Variants in FHIT observed in about 807,000 individuals in gnomAD.
FHIT encodes fragile histidine triad diadenosine triphosphatase.
Under a neutral mutation model 17.9 loss-of-function variants are expected in FHIT, and 19 were observed. The observed-to-expected ratio is 1.06, with a 90% CI of 0.74 to 1.56. The LOEUF (loss-of-function observed/expected upper bound fraction) is 1.56, where lower values mean the gene tolerates loss of function less well. FHIT is among the 40% of genes most tolerant of loss of function. The pLI is 0.00. For synonymous variants in FHIT, 81 were observed against 69.7 expected, an observed-to-expected ratio of 1.16 and a Z score of -0.81; for missense variants, 248 against 189.2, an observed-to-expected ratio of 1.31 and a Z score of -1.82.
At chr3:60,294,252 T>C (rs1708109067) in intron 5 of FHIT, among the ~76,000 whole-genome samples, 1 of 152,102 alleles carries the variant, frequency 6.6e-6, no homozygotes, top group Non-Finnish European at 1.5e-5. Flanking sequence ...ATAAATAACA[T>C]AACAGATTCA....
intron 5 of FHIT, among the ~76,000 whole-genome samples, chr3:60,184,645 ACT>A (rs1045757065): frequency 3.9e-5 from 6 of 151,978 alleles, no homozygotes; most frequent in African/African-American, 1.5e-4. Context: ...TTCTGAAGTT[ACT>A]CTTTTTTCCT....
At chr3:60,341,278 T>C (rs1710504939) in intron 5 of FHIT, among the ~76,000 whole-genome samples, 1 of 152,228 alleles carries the variant, frequency 6.6e-6, no homozygotes, top group African/African-American at 2.4e-5. Flanking sequence ...GCATGTATTA[T>C]TTTGTAATAA....
chr3:61,242,744 C>T (rs964600447), intron 1 of FHIT, among the ~76,000 whole-genome samples: 4 of 152,024 alleles, frequency 2.6e-5, no homozygotes, highest in Non-Finnish European at 4.4e-5. Context: ...GCTGATCGGT[C>T]GAATTGGAGA....
intron 3 of FHIT, among the ~76,000 whole-genome samples, chr3:60,954,378 T>C (rs1197424449): frequency 6.6e-6 from 1 of 152,194 alleles, no homozygotes; most frequent in African/African-American, 2.4e-5. Context: ...CATTCATAAA[T>C]GACGAACAAG....
intron 5 of FHIT, among the ~76,000 whole-genome samples, chr3:60,361,990 C>G (rs115996770): frequency 2.6e-3 from 399 of 152,240 alleles, no homozygotes; most frequent in Non-Finnish European, 4.7e-3. Context: ...TGTGCAGCAT[C>G]ACATCGTCAC....
intron 8 of FHIT, among the ~76,000 whole-genome samples, chr3:59,846,182 C>A (rs2106770650): frequency 6.6e-6 from 1 of 151,950 alleles, no homozygotes; most frequent in East Asian, 1.9e-4. Context: ...TCCTGTATTC[C>A]TGTCTTCTTT....
chr3:60,262,043 T>C (rs1319376924), intron 5 of FHIT, among the ~76,000 whole-genome samples: 1 of 152,018 alleles, frequency 6.6e-6, no homozygotes, highest in Non-Finnish European at 1.5e-5. Flanking sequence ...TTTCCCTATG[T>C]CTTTGGGTCT....
At chr3:60,437,814 T>C (rs1448937480) in intron 5 of FHIT, among the ~76,000 whole-genome samples, 3 of 152,144 alleles carry the variant, frequency 2.0e-5, no homozygotes, top group African/African-American at 7.2e-5. Context: ...TCTAAAAATA[T>C]GGAGTTAATA....
chr3:60,005,623 A>G (rs998281111), intron 7 of FHIT, among the ~76,000 whole-genome samples: 2 of 152,204 alleles, frequency 1.3e-5, no homozygotes, highest in Non-Finnish European at 2.9e-5. Context: ...TTCTGAGGGC[A>G]GAGATGCAAA....
intron 5 of FHIT, among the ~76,000 whole-genome samples, chr3:60,086,134 A>T (rs981270090): frequency 2.6e-5 from 4 of 152,108 alleles, no homozygotes; most frequent in African/African-American, 9.7e-5. Flanking sequence ...GTGAGAGAGG[A>T]AGCAAGAGAG....
chr3:61,026,146 A>T (rs953139295), intron 3 of FHIT, among the ~76,000 whole-genome samples: 7 of 152,136 alleles, frequency 4.6e-5, no homozygotes, highest in Admixed American at 4.6e-4. Flanking sequence ...AGAAGAAAAA[A>T]GCCATCTCCC....
intron 4 of FHIT, among the ~76,000 whole-genome samples, chr3:60,706,738 C>A (rs879984273): frequency 6.6e-6 from 1 of 152,130 alleles, no homozygotes; most frequent in Non-Finnish European, 1.5e-5. Context: ...TGGTCTGATT[C>A]ATTTACATTT....
intron 2 of FHIT, among the ~76,000 whole-genome samples, chr3:61,185,618 G>A (rs1229335956): frequency 3.3e-5 from 5 of 152,108 alleles, no homozygotes; most frequent in South Asian, 2.1e-4. Flanking sequence ...CTATCCACAT[G>A]AGAGAACACA....
At chr3:60,226,702 G>C (rs1055646409) in intron 5 of FHIT, among the ~76,000 whole-genome samples, 1 of 152,100 alleles carries the variant, frequency 6.6e-6, no homozygotes, top group Non-Finnish European at 1.5e-5. Context: ...GGGAGAATCA[G>C]GAAGGGGACT....
intron 3 of FHIT, among the ~76,000 whole-genome samples, chr3:61,036,901 GTT>G (rs746649804): frequency 3.7e-4 from 26 of 70,324 alleles, no homozygotes; most frequent in African/African-American, 8.0e-4. Flanking sequence ...AGTCTGCTTT[GTT>G]TTTTTTTTTT....
chr3:60,471,851 C>T (rs11710814), intron 5 of FHIT, among the ~76,000 whole-genome samples: 4 of 151,994 alleles, frequency 2.6e-5, no homozygotes, highest in South Asian at 2.1e-4. Context: ...AAAGCCTTCA[C>T]GCTAAGCATG....
intron 2 of FHIT, among the ~76,000 whole-genome samples, chr3:61,043,963 A>G (rs976624336): frequency 6.6e-6 from 1 of 152,198 alleles, no homozygotes; most frequent in Non-Finnish European, 1.5e-5. Flanking sequence ...CATCCACACC[A>G]AAACCCCATC....
chr3:60,104,208 T>TA (rs1704310858), intron 5 of FHIT, among the ~76,000 whole-genome samples: 1 of 152,216 alleles, frequency 6.6e-6, no homozygotes, highest in Admixed American at 6.5e-5. Context: ...CTTTAGTTGT[T>TA]ACCCCTGAGT....
intron 8 of FHIT, among the ~76,000 whole-genome samples, chr3:59,833,042 C>G (rs1271187496): frequency 2.0e-5 from 3 of 152,166 alleles, no homozygotes; most frequent in African/African-American, 7.2e-5. Context: ...TATATCAGGT[C>G]TCCTCACTCT....
Sources: allele counts gnomAD v4.1 joint callset (sites outside exome capture counted in the v4.1 genomes callset), GRCh38; gene constraint gnomAD v4.1.1; transcripts MANE v1.5; gene names NCBI Gene and HGNC (gene_info 2026-07-23, HGNC 2026-07-21).